The following CES5A variants were observed in gnomAD, a reference collection of about 807,000 sequenced individuals.
CES5A encodes carboxylesterase 5A.
A neutral mutation model predicts 62.9 loss-of-function variants in CES5A; 67 were observed. The observed-to-expected ratio is 1.07, with a 90% CI of 0.88 to 1.31. CES5A has a LOEUF of 1.31. Ranked by LOEUF, CES5A falls within the 50% of genes most tolerant of loss-of-function variation. The pLI is 0.00. For synonymous variants in CES5A, 296 were observed against 280.8 expected (o/e 1.05, Z -0.54); for missense variants, 748 against 708.5 (o/e 1.06, Z -0.63).
intron 1 of CES5A, among the ~76,000 whole-genome samples, chr16:55,885,640 A>G (rs1482381758): frequency 1.3e-5 from 2 of 152,168 alleles, no homozygotes; most frequent in East Asian, 1.9e-4. Context: ...TCTCCCAGAA[A>G]TGGGTCTGCC....
chr16:55,925,938 C>T (rs1308413756), upstream of CES5A, among the ~76,000 whole-genome samples: 2 of 151,956 alleles, frequency 1.3e-5, no homozygotes, highest in African/African-American at 4.8e-5. Flanking sequence ...ACAAATAACT[C>T]TTCTGTGGGA....
At chr16:55,849,861 A>G in intron 10 of CES5A, 88 bp from the exon 11 acceptor site, 1 of 1,433,820 alleles carries the variant, frequency 7.0e-7, no homozygotes, top group Admixed American at 1.9e-5. Flanking sequence ...TCTTGGATGT[A>G]TAGACCCAGG....
intron 1 of CES5A, among the ~76,000 whole-genome samples, chr16:55,889,497 T>C (rs1195005503): frequency 6.6e-6 from 1 of 152,098 alleles, no homozygotes; most frequent in Non-Finnish European, 1.5e-5. Context: ...GGAAAGGATA[T>C]TACAAAGGAT....
chr16:55,883,512 A>T, intron 1 of CES5A, among the ~76,000 whole-genome samples: 1 of 152,038 alleles, frequency 6.6e-6, no homozygotes, highest in Non-Finnish European at 1.5e-5. Context: ...TGACCTCATG[A>T]TCCTCCCATC....
chr16:55,943,654 A>G (rs2034466659), intron 2 of CES5A, among the ~76,000 whole-genome samples: 1 of 152,232 alleles, frequency 6.6e-6, no homozygotes, highest in Admixed American at 6.5e-5. Flanking sequence ...TCCTTTGCAT[A>G]GCTTTGTGGT....
intron 1 of CES5A, among the ~76,000 whole-genome samples, chr16:55,954,883 G>A (rs2034592837): frequency 6.6e-6 from 1 of 152,168 alleles, no homozygotes; most frequent in African/African-American, 2.4e-5. Flanking sequence ...CCCATTGCAT[G>A]GAGAGAGCAA....
At chr16:55,866,207 G>T in intron 4 of CES5A, 91 bp from the exon 5 acceptor site, 1 of 1,319,744 alleles carries the variant, frequency 7.6e-7, no homozygotes, top group Non-Finnish European at 1.0e-6. Flanking sequence ...GTGGGCAGGG[G>T]TCAGTGGGGA....
chr16:55,894,368 C>T (rs776180064), intron 1 of CES5A, among the ~76,000 whole-genome samples: 8 of 151,628 alleles, frequency 5.3e-5, no homozygotes, highest in East Asian at 3.9e-4. Context: ...ATCAGCCAGG[C>T]GTGGTGGCAG....
At chr16:55,936,364 C>T (rs1343145985) in intron 2 of CES5A, among the ~76,000 whole-genome samples, 3 of 152,188 alleles carry the variant, frequency 2.0e-5, no homozygotes, top group Non-Finnish European at 4.4e-5. Flanking sequence ...GGAGCACTTA[C>T]TGGAAAATCC....
chr16:55,888,658 T>C (rs1470857398), intron 1 of CES5A, among the ~76,000 whole-genome samples: 1 of 152,232 alleles, frequency 6.6e-6, no homozygotes, highest in Non-Finnish European at 1.5e-5. Flanking sequence ...AGACTAAGAT[T>C]TCCATTTTCA....
intron 1 of CES5A, among the ~76,000 whole-genome samples, chr16:55,902,984 G>T (rs546792581): frequency 6.6e-6 from 1 of 152,110 alleles, no homozygotes; most frequent in African/African-American, 2.4e-5. Flanking sequence ...ACAGTATAAC[G>T]AAGAAGGGCA....
intron 1 of CES5A, among the ~76,000 whole-genome samples, chr16:55,954,236 G>A (rs1482077384): frequency 2.0e-5 from 3 of 152,172 alleles, no homozygotes; most frequent in Non-Finnish European, 2.9e-5. Flanking sequence ...ACACCTGCCT[G>A]TTGATCCAAA....
chr16:55,909,196 C>T (rs2034068448), intron 1 of CES5A, among the ~76,000 whole-genome samples: 1 of 152,184 alleles, frequency 6.6e-6, no homozygotes, highest in Non-Finnish European at 1.5e-5. Flanking sequence ...GCTGGGAGGA[C>T]TGGGAACTTG....
chr16:55,944,463 A>G (rs1009095078), intron 2 of CES5A: 1 of 178,516 alleles, frequency 5.6e-6, no homozygotes, highest in Admixed American at 5.9e-5. Context: ...AGTGCCACTC[A>G]GACCACTAGA....
intron 7 of CES5A, 127 bp from the exon 8 acceptor site, chr16:55,859,814 G>T: frequency 7.6e-6 from 6 of 787,592 alleles, no homozygotes; most frequent in South Asian, 1.9e-5. Flanking sequence ...CACTTAAAAA[G>T]TAAAAACAAA....
At chr16:55,881,997 G>A (rs1355273550) in intron 1 of CES5A, among the ~76,000 whole-genome samples, 6 of 152,112 alleles carry the variant, frequency 3.9e-5, no homozygotes, top group African/African-American at 4.8e-5. Context: ...AATCCTAGAA[G>A]TAAAGTAGAC....
chr16:55,899,866 T>C (rs1025353570), intron 1 of CES5A, among the ~76,000 whole-genome samples: 47 of 152,228 alleles, frequency 3.1e-4, no homozygotes, highest in African/African-American at 1.1e-3. Context: ...ATTGTCTATA[T>C]TTGAAAATTT....
At chr16:55,861,825 T>C (rs1190556598) in intron 6 of CES5A, among the ~76,000 whole-genome samples, 3 of 152,194 alleles carry the variant, frequency 2.0e-5, no homozygotes, top group Non-Finnish European at 4.4e-5. Context: ...AGATCAGTCC[T>C]GTGAGCTTGG....
At chr16:55,934,679 C>T (rs8052176) in intron 2 of CES5A, among the ~76,000 whole-genome samples, 5,330 of 79,840 alleles carry the variant, frequency 0.067, 311 homozygotes, top group African/African-American at 0.19. Context: ...TGTGTGTGTG[C>T]GCGTGTGCAT....
Sources: gnomAD v4.1 joint callset for allele counts (sites outside exome capture counted in the v4.1 genomes callset) on GRCh38, gnomAD v4.1.1 for gene constraint, MANE v1.5 for transcripts, NCBI Gene and HGNC (gene_info 2026-07-23, HGNC 2026-07-21) for gene names.